Variants in MTUS2 observed in about 807,000 individuals in gnomAD.
The protein encoded by MTUS2 is microtubule-associated tumor suppressor candidate 2.
Under a neutral mutation model 114.1 loss-of-function variants are expected in MTUS2, and 40 were observed. The observed-to-expected ratio is 0.35, with a 90% CI of 0.27 to 0.46. The LOEUF (loss-of-function observed/expected upper bound fraction) is 0.46, where lower values mean the gene tolerates loss of function less well. Among genes scored for constraint, MTUS2 ranks in the 20% least tolerant of loss-of-function variants. MTUS2 has a pLI of 1.00. For synonymous variants in MTUS2, 688 were observed against 672.0 expected, an observed-to-expected ratio of 1.02 and a Z score of -0.37; for missense variants, 1,679 against 1,705.4, an observed-to-expected ratio of 0.98 and a Z score of 0.27.
At chr13:29,307,824 A>G (rs1416591764) in intron 6 of MTUS2, 5 of 779,976 alleles carry the variant, frequency 6.4e-6, no homozygotes, top group African/African-American at 1.7e-5. Flanking sequence ...GCACAAGAGG[A>G]AGAGAGAGGC....
At chr13:29,304,864 C>G (rs113088576) in intron 6 of MTUS2, among the ~76,000 whole-genome samples, 8,376 of 152,212 alleles carry the variant, frequency 0.055, 336 homozygotes, top group Non-Finnish European at 0.083. Flanking sequence ...GGCACTTACT[C>G]TAAAATTGAT....
chr13:29,390,762 A>G (rs868013724), intron 8 of MTUS2, among the ~76,000 whole-genome samples: 9 of 148,468 alleles, frequency 6.1e-5, no homozygotes, highest in Middle Eastern at 3.5e-3. Flanking sequence ...AATGGTGATG[A>G]TGATGATGAT....
At chr13:29,387,599 G>T (rs921278241) in intron 8 of MTUS2, among the ~76,000 whole-genome samples, 4 of 152,154 alleles carry the variant, frequency 2.6e-5, no homozygotes, top group Non-Finnish European at 4.4e-5. Context: ...AGGGAGACCC[G>T]CGAGGGGCTG....
chr13:29,317,208 C>A (rs1265232539), intron 6 of MTUS2, among the ~76,000 whole-genome samples: 1 of 152,200 alleles, frequency 6.6e-6, no homozygotes, highest in African/African-American at 2.4e-5. Context: ...TTTCTACCTT[C>A]ATGCATGCAG....
chr13:29,301,158 G>T (rs1733566099), intron 6 of MTUS2, among the ~76,000 whole-genome samples: 1 of 152,076 alleles, frequency 6.6e-6, no homozygotes, highest in African/African-American at 2.4e-5. Context: ...CCTCCAGCTT[G>T]CCCCCCACCC....
At chr13:29,226,355 C>T (rs1896108396) in intron 5 of MTUS2, among the ~76,000 whole-genome samples, 1 of 152,130 alleles carries the variant, frequency 6.6e-6, no homozygotes, top group Non-Finnish European at 1.5e-5. Flanking sequence ...TTTATACTAT[C>T]AAGAGAAGGG....
At chr13:29,113,006 A>G (rs773093536) in intron 5 of MTUS2, among the ~76,000 whole-genome samples, 5 of 152,210 alleles carry the variant, frequency 3.3e-5, no homozygotes, top group Non-Finnish European at 5.9e-5. Flanking sequence ...CAGAAGGCCC[A>G]TGTGAGGTTG....
chr13:29,399,002 G>A (rs1464506335), intron 8 of MTUS2, among the ~76,000 whole-genome samples: 1 of 152,210 alleles, frequency 6.6e-6, no homozygotes, highest in South Asian at 2.1e-4. Flanking sequence ...GTACAGTGAA[G>A]TGAAAGCAAG....
chr13:29,493,206 C>T (rs1408497133), intron 12 of MTUS2, among the ~76,000 whole-genome samples: 2 of 152,178 alleles, frequency 1.3e-5, no homozygotes, highest in East Asian at 1.9e-4. Context: ...CTCACTGCCA[C>T]CTTTAGGAAA....
chr13:29,078,668 A>G (rs1162719974), intron 4 of MTUS2, among the ~76,000 whole-genome samples: 3 of 152,208 alleles, frequency 2.0e-5, no homozygotes, highest in Non-Finnish European at 4.4e-5. Flanking sequence ...CTGGGAAACC[A>G]TTAAGCCATT....
intron 8 of MTUS2, among the ~76,000 whole-genome samples, chr13:29,418,337 T>G (rs1875829849): frequency 6.6e-6 from 1 of 152,136 alleles, no homozygotes; most frequent in Admixed American, 6.5e-5. Context: ...TCCCCTTCAT[T>G]CAAAGGGTTC....
At chr13:29,309,634 A>G (rs1474285331) in intron 6 of MTUS2, among the ~76,000 whole-genome samples, 4 of 149,592 alleles carry the variant, frequency 2.7e-5, no homozygotes, top group Admixed American at 6.6e-5. Flanking sequence ...AAAAAAATTT[A>G]GATTTCAACA....
At chr13:28,984,924 C>G (rs890527839) in intron 2 of MTUS2, among the ~76,000 whole-genome samples, 2 of 152,172 alleles carry the variant, frequency 1.3e-5, no homozygotes, top group African/African-American at 4.8e-5. Flanking sequence ...TAAAAACAAC[C>G]TCACAGCTTT....
At chr13:29,389,508 CGTGTGTGT>C (rs1873031064) in intron 8 of MTUS2, among the ~76,000 whole-genome samples, 1 of 69,612 alleles carries the variant, frequency 1.4e-5, no homozygotes, top group African/African-American at 4.9e-5. Flanking sequence ...TATGTATACA[CGTGTGTGT>C]ATGTGTATAT....
At chr13:29,351,797 T>C (rs1426902999) in intron 7 of MTUS2, among the ~76,000 whole-genome samples, 1 of 111,102 alleles carries the variant, frequency 9.0e-6, no homozygotes, top group Non-Finnish European at 1.9e-5. Context: ...TTTTTTTTTG[T>C]AGAGATGATG....
At chr13:29,232,471 G>T (rs79988052) in intron 5 of MTUS2, among the ~76,000 whole-genome samples, 3,369 of 152,224 alleles carry the variant, frequency 0.022, 53 homozygotes, top group Non-Finnish European at 0.033. Flanking sequence ...TAGCCATTGG[G>T]GGGGAAGAGT....
intron 4 of MTUS2, among the ~76,000 whole-genome samples, chr13:29,083,132 G>T (rs1217856917): frequency 6.6e-6 from 1 of 152,144 alleles, no homozygotes; most frequent in Non-Finnish European, 1.5e-5. Context: ...AAGAGTCAGG[G>T]GATGGAGTTC....
chr13:29,073,060 G>C (rs550079271), intron 4 of MTUS2, among the ~76,000 whole-genome samples: 1 of 151,936 alleles, frequency 6.6e-6, no homozygotes, highest in East Asian at 1.9e-4. Flanking sequence ...TCTGGTGGTC[G>C]TTTTATTCTA....
At chr13:29,438,173 G>T (rs887969577) in intron 8 of MTUS2, among the ~76,000 whole-genome samples, 1 of 152,160 alleles carries the variant, frequency 6.6e-6, no homozygotes, top group Non-Finnish European at 1.5e-5. Flanking sequence ...CACAGTGGGT[G>T]TAGCATTAGA....
Sources: gnomAD v4.1 joint callset for allele counts (sites outside exome capture counted in the v4.1 genomes callset) on GRCh38, gnomAD v4.1.1 for gene constraint, MANE v1.5 for transcripts, NCBI Gene and HGNC (gene_info 2026-07-23, HGNC 2026-07-21) for gene names.